The following MSRB3 variants were observed in gnomAD, a reference collection of about 807,000 sequenced individuals.
MSRB3 encodes the protein methionine sulfoxide reductase B3.
Under a neutral mutation model 21.0 loss-of-function variants are expected in MSRB3, and 13 were observed. That is an observed-to-expected ratio of 0.62 (90% confidence interval 0.40 to 0.98). MSRB3 has a LOEUF of 0.98. Among genes scored for constraint, MSRB3 ranks in the 50% least tolerant of loss-of-function variants. The pLI, the probability that MSRB3 is intolerant of heterozygous loss-of-function variation, is 0.00. For synonymous variants in MSRB3, 87 were observed against 88.6 expected, an observed-to-expected ratio of 0.98 and a Z score of 0.10; for missense variants, 199 against 230.3, an observed-to-expected ratio of 0.86 and a Z score of 0.88.
In MSRB3 at chr12:65,390,623, A is replaced by G. The variant is rs370522196; in HGVS notation, c.292+21597A>G. Among the ~76,000 whole-genome samples the G allele has an allele frequency of 6.6e-4, 100 of 152,310 alleles. 1 individual carries two copies. The highest frequency in any genetic ancestry group is 2.4e-3 in the African/African-American group (100 of 41,576). ...GGTAATTGTTTAAACCAGTAATTCC[A>G]CTTTGGGAGACTTCATGAAGAAAAT... On this transcript the variant is annotated intron_variant, in intron 5 of 6. Transcript: ENST00000308259.
intron 4 of MSRB3, among the ~76,000 whole-genome samples, chr12:65,339,126 C>G (rs150722939): frequency 2.6e-5 from 4 of 152,252 alleles, no homozygotes; most frequent in Middle Eastern, 3.4e-3. Context: ...CAGACAGAGA[C>G]ATACTGCTAA....
chr12:65,452,184 A>T (rs1407449488), intron 5 of MSRB3, among the ~76,000 whole-genome samples: 1 of 152,158 alleles, frequency 6.6e-6, no homozygotes, highest in East Asian at 1.9e-4. Context: ...GTTTACTACT[A>T]AATCAAGTGT....
chr12:65,280,760 A>G (rs895718315), intron 1 of MSRB3, among the ~76,000 whole-genome samples: 2 of 152,202 alleles, frequency 1.3e-5, no homozygotes, highest in African/African-American at 4.8e-5. Context: ...TAGATTTTGA[A>G]TCAACACACT....
intron 1 of MSRB3, among the ~76,000 whole-genome samples, chr12:65,288,736 A>G (rs987055194): frequency 2.0e-5 from 3 of 152,162 alleles, no homozygotes; most frequent in Admixed American, 6.5e-5. Flanking sequence ...AGCAGGATAT[A>G]TTACCATTGG....
At chr12:65,378,714 C>T (rs547226251) in intron 5 of MSRB3, among the ~76,000 whole-genome samples, 1 of 152,292 alleles carries the variant, frequency 6.6e-6, no homozygotes, top group East Asian at 1.9e-4. Context: ...AGATGTTTCA[C>T]TATCTCTCAG....
intron 5 of MSRB3, among the ~76,000 whole-genome samples, chr12:65,428,801 A>G (rs1881735347): frequency 6.6e-6 from 1 of 152,094 alleles, no homozygotes; most frequent in African/African-American, 2.4e-5. Flanking sequence ...ATTTTAGAAA[A>G]CGCTAAACTA....
intron 6 of MSRB3, among the ~76,000 whole-genome samples, chr12:65,458,870 A>G (rs1883202440): frequency 6.6e-6 from 1 of 152,214 alleles, no homozygotes; most frequent in Non-Finnish European, 1.5e-5. Flanking sequence ...CTTCTATTCC[A>G]GTTTCACTGA....
At chr12:65,303,444 G>T (rs1873461706) in intron 1 of MSRB3, among the ~76,000 whole-genome samples, 1 of 152,124 alleles carries the variant, frequency 6.6e-6, no homozygotes, top group Non-Finnish European at 1.5e-5. Flanking sequence ...TTCAAGTCTG[G>T]TTACATTTGC....
chr12:65,325,461 C>T (rs1874959756), intron 2 of MSRB3, among the ~76,000 whole-genome samples: 1 of 151,986 alleles, frequency 6.6e-6, no homozygotes, highest in African/African-American at 2.4e-5. Context: ...CTGGCTTGCT[C>T]TTTTGCTGCC....
intron 5 of MSRB3, among the ~76,000 whole-genome samples, chr12:65,432,131 G>A (rs1307913014): frequency 1.3e-5 from 2 of 151,892 alleles, no homozygotes; most frequent in Non-Finnish European, 2.9e-5. Flanking sequence ...AAGGGATTCT[G>A]TCTATAAAAC....
At chr12:65,393,622 C>T (rs1477063846) in intron 5 of MSRB3, among the ~76,000 whole-genome samples, 1 of 106,594 alleles carries the variant, frequency 9.4e-6, no homozygotes, top group African/African-American at 4.1e-5. Context: ...TAGAGCGAGA[C>T]TCCGTCGCAA....
At chr12:65,312,095 C>T (rs1874023202) in intron 2 of MSRB3, among the ~76,000 whole-genome samples, 1 of 152,006 alleles carries the variant, frequency 6.6e-6, no homozygotes, top group Admixed American at 6.6e-5. Context: ...AAAGCTCTGT[C>T]CTTAACTTGC....
At chr12:65,454,358 A>G (rs1420742200) in intron 6 of MSRB3, 1 of 152,278 alleles carries the variant, frequency 6.6e-6, no homozygotes, top group Non-Finnish European at 1.5e-5. Context: ...CTTCACCACT[A>G]TTAAACAAAA....
intron 4 of MSRB3, among the ~76,000 whole-genome samples, chr12:65,365,881 C>T (rs1199263670): frequency 6.6e-6 from 1 of 152,162 alleles, no homozygotes; most frequent in Non-Finnish European, 1.5e-5. Flanking sequence ...CTGGGCCAAG[C>T]TGGGGGAGAG....
chr12:65,418,330 G>T (rs946992125), intron 5 of MSRB3, among the ~76,000 whole-genome samples: 3 of 152,042 alleles, frequency 2.0e-5, no homozygotes, highest in Non-Finnish European at 1.5e-5. Flanking sequence ...TCCTTTGCCC[G>T]TTTTTAAATT....
chr12:65,457,504 A>G lies in MSRB3; in HGVS notation c.390+3679A>G, dbSNP rs575054480. ...TCTGTTCCTGTGTTAGTTTGCTGAGAATGATGGTTTCCAGCTTCATCCATG... is the reference window on the plus strand; with the variant it reads ...TCTGTTCCTGTGTTAGTTTGCTGAGGATGATGGTTTCCAGCTTCATCCATG... On this transcript the variant is annotated intron_variant, in intron 6 of 6. Transcript: ENST00000308259. Among the ~76,000 whole-genome samples the G allele has an allele frequency of 1.8e-3, 271 of 152,208 alleles. 4 individuals are homozygous for G. Among genetic ancestry groups the G allele is most frequent in the Non-Finnish European group, 3.2e-3 (215 of 68,014 alleles).
intron 5 of MSRB3, among the ~76,000 whole-genome samples, chr12:65,394,531 G>A (rs551206202): frequency 2.0e-5 from 3 of 152,268 alleles, no homozygotes; most frequent in Non-Finnish European, 4.4e-5. Flanking sequence ...AAGAATTAAT[G>A]CCAATTATTC....
chr12:65,371,256 A>G (rs1047686778), intron 5 of MSRB3, among the ~76,000 whole-genome samples: 36 of 142,190 alleles, frequency 2.5e-4, no homozygotes, highest in African/African-American at 7.7e-4. Flanking sequence ...TGAATCCAGG[A>G]GGCAGAGGTT....
intron 4 of MSRB3, among the ~76,000 whole-genome samples, chr12:65,368,213 G>A (rs1157581549): frequency 3.9e-5 from 6 of 152,144 alleles, no homozygotes; most frequent in Non-Finnish European, 7.3e-5. Context: ...CAGGACTCCC[G>A]CTGGTTGGTT....
Sources: allele counts gnomAD v4.1 joint callset (sites outside exome capture counted in the v4.1 genomes callset), GRCh38; gene constraint gnomAD v4.1.1; transcripts MANE v1.5; gene names NCBI Gene and HGNC (gene_info 2026-07-23, HGNC 2026-07-21).